COQ5: variants seen among roughly 807,000 people sequenced by gnomAD.
COQ5 encodes 2-methoxy-6-polyprenyl-1,4-benzoquinol methylase, mitochondrial.
In COQ5, 27 loss-of-function variants were observed where a neutral mutation model predicts 40.5. The ratio of observed to expected loss-of-function variants is 0.67; its 90% confidence interval spans 0.49 to 0.92. COQ5 has a LOEUF of 0.92. Among genes scored for constraint, COQ5 ranks in the 40% least tolerant of loss-of-function variants. COQ5 has a pLI of 0.00. For missense variants in COQ5, 409 were observed against 406.4 expected (o/e 1.01, Z -0.06); for synonymous variants, 141 against 150.0 (o/e 0.94, Z 0.44).
At chr12:120,514,784 A>AACAACAAC (rs1869307881) in intron 3 of COQ5, among the ~76,000 whole-genome samples, 2 of 115,696 alleles carry the variant, frequency 1.7e-5, no homozygotes, top group East Asian at 6.3e-4. Flanking sequence ...ACAACAACAA[A>AACAACAAC]AACTGGGCCA....
chr12:120,526,102 C>T (rs117499434), intron 1 of COQ5, among the ~76,000 whole-genome samples: 2 of 152,204 alleles, frequency 1.3e-5, no homozygotes, highest in Non-Finnish European at 2.9e-5. Context: ...ATTCTTTAGC[C>T]TACAAATCAC....
chr12:120,528,021 A>AAAAAAAAAAAAAAAAT (rs1870041690), intron 1 of COQ5, among the ~76,000 whole-genome samples: 1 of 120,320 alleles, frequency 8.3e-6, no homozygotes, highest in African/African-American at 3.0e-5. Context: ...AAAAAAAAAA[A>AAAAAAAAAAAAAAAAT]AGAAACCCCG....
intron 3 of COQ5, among the ~76,000 whole-genome samples, chr12:120,513,709 A>G (rs373380916): frequency 4.6e-5 from 7 of 151,686 alleles, no homozygotes; most frequent in East Asian, 3.9e-4. Flanking sequence ...TAGTAGAGAC[A>G]GGGTTTCACC....
chr12:120,504,010 T>C lies in COQ5; in HGVS notation c.842A>G (p.Tyr281Cys), dbSNP rs753415413. The C allele has an allele frequency of 1.2e-6, 2 of 1,613,774 alleles. No individual in the cohort carries two copies. The highest frequency in any genetic ancestry group is 1.7e-6 in the Non-Finnish European group (2 of 1,179,648). ...TCGGATACTCTCTACAAGGTACTGATAGGACTTCCAGTCTCCAGCGATGAC... is the reference window on the plus strand; with the variant it reads ...TCGGATACTCTCTACAAGGTACTGACAGGACTTCCAGTCTCCAGCGATGAC... Reference protein sequence around the residue: ...GEVIAGDWKSYQYLVESIRRF... With the variant: ...GEVIAGDWKSCQYLVESIRRF... Residue 281 changes from tyrosine (Y) to cysteine (C), a missense_variant, in exon 6 of 7, where the codon TAT (tyrosine) becomes TGT (cysteine). Coordinates refer to ENST00000288532, the MANE Select transcript of COQ5 (RefSeq NM_032314.4).
intron 2 of COQ5, among the ~76,000 whole-genome samples, chr12:120,520,049 C>T (rs1354142288): frequency 1.3e-5 from 2 of 151,780 alleles, no homozygotes; most frequent in African/African-American, 4.8e-5. Flanking sequence ...AGAGATTATT[C>T]TATTGTAATT....
At position 120,522,235 on chromosome 12, in the gene COQ5, G is replaced by GCAGCTGGGTCCC; in HGVS notation, c.319_330dup (p.Gly107_Leu110dup). 1.2e-6 allele frequency: 2 copies of GCAGCTGGGTCCC among 1,614,134 alleles called. No individual in the cohort carries two copies. The highest frequency in any genetic ancestry group is 1.7e-6 in the Non-Finnish European group (2 of 1,180,038). Reference sequence around the variant, plus strand: ...TTACCTGTGCCTCCAGCAACATCAAGCAGCTGGGTCCCAGGAAGCGGGTGC... The same window carrying GCAGCTGGGTCCC: ...TTACCTGTGCCTCCAGCAACATCAAGCAGCTGGGTCCCCAGCTGGGTCCCAGGAAGCGGGTGC... On this transcript the variant is annotated inframe_insertion, in exon 2 of 7. Coordinates refer to ENST00000288532, the MANE Select transcript of COQ5 (RefSeq NM_032314.4).
In COQ5 at chr12:120,504,814, C is replaced by G; in HGVS notation, c.770+81G>C. On this transcript the variant is annotated intron_variant, in intron 5 of 6. Coordinates refer to ENST00000288532, the MANE Select transcript of COQ5 (RefSeq NM_032314.4). ...TGAACTACAAAGTTCATGCTTATAG[C>G]TTACTGGCTATTTTCAATCCATTTC... The G allele has an allele frequency of 2.5e-6, 3 of 1,185,866 alleles. No individual in the cohort carries two copies. In the Admixed American group the frequency reaches 5.3e-5, roughly 21 times the overall value. 73.5% of individuals were successfully genotyped at this position (1,185,866 alleles called of 1,614,324 possible).
Position 120,503,765 on chromosome 12 carries a change from C to CTT in COQ5, c.*18_*19insAA. 6.3e-7 allele frequency: 1 copy of CTT among 1,583,342 alleles called. No individual in the cohort carries two copies. ...TTCAACAGGATATGACTGGTTCATG[C>CTT]TCCATGATAGGAAAGGAATTAAAGT... is the stretch of plus-strand genomic sequence containing the variant. On this transcript the variant is annotated 3_prime_UTR_variant, in exon 7 of 7. Coordinates refer to ENST00000288532, the MANE Select transcript of COQ5 (RefSeq NM_032314.4).
chr12:120,522,180 C>T (rs746084135), intron 2 of COQ5, 34 bp downstream of exon 2: 21 of 1,612,748 alleles, frequency 1.3e-5, no homozygotes, highest in Non-Finnish European at 1.6e-5. Flanking sequence ...AAAACATGCT[C>T]AATGGTAGTG....
At position 120,514,368 on chromosome 12, in the gene COQ5, G is replaced by A. The variant is rs560330422; in HGVS notation, c.574+2199C>T. On this transcript the variant is annotated intron_variant, in intron 3 of 6. Coordinates refer to ENST00000288532, the MANE Select transcript of COQ5 (RefSeq NM_032314.4). The stretch of plus-strand genomic sequence containing the variant: ...AAATGCTGATGTTGACCTGAGGGAC[G>A]TTCTTTGTTATATACCACTGCCCCT... 2.0e-5 allele frequency among the ~76,000 whole-genome samples: 3 copies of A among 152,146 alleles called. No individual in the cohort carries two copies. The East Asian group carries it at 5.8e-4, about 29-fold the overall frequency.
chr12:120,505,549 G>A (rs1252384889), intron 4 of COQ5, among the ~76,000 whole-genome samples: 1 of 151,556 alleles, frequency 6.6e-6, no homozygotes. Context: ...ACCACGCCCC[G>A]CTAATTTTTT....
chr12:120,508,712 T>G (rs1203186656), intron 4 of COQ5, among the ~76,000 whole-genome samples: 1 of 152,110 alleles, frequency 6.6e-6, no homozygotes, highest in East Asian at 1.9e-4. Flanking sequence ...TTTTGTGCCT[T>G]TTGAACTTTG....
At chr12:120,523,761 G>A (rs1187416172) in intron 1 of COQ5, 1 of 236,020 alleles carries the variant, frequency 4.2e-6, no homozygotes, top group Non-Finnish European at 8.7e-6. Flanking sequence ...TGTAATCCTA[G>A]CACTTTGGGA....
At chr12:120,510,908 A>G (rs965660318) in intron 3 of COQ5, among the ~76,000 whole-genome samples, 6 of 152,196 alleles carry the variant, frequency 3.9e-5, no homozygotes, top group Admixed American at 6.6e-5. Flanking sequence ...AGAAGACTGT[A>G]TAGAGGAAGG....
At chr12:120,509,738 A>G in intron 4 of COQ5, 1 of 400,984 alleles carries the variant, frequency 2.5e-6, no homozygotes, top group Non-Finnish European at 4.7e-6. Flanking sequence ...GCCCTTAAAC[A>G]TTATCTTTTT....
chr12:120,507,422 C>A (rs1171684578), intron 4 of COQ5, among the ~76,000 whole-genome samples: 2 of 151,058 alleles, frequency 1.3e-5, no homozygotes, highest in Non-Finnish European at 3.0e-5. Context: ...GTATCTGGGA[C>A]TATAGGCACG....
At chr12:120,510,189 A>G (rs1869064670) in intron 3 of COQ5, 66 bp from the exon 4 acceptor site, 1 of 1,269,824 alleles carries the variant, frequency 7.9e-7, no homozygotes, top group Admixed American at 1.7e-5. Flanking sequence ...CAGTGAATTC[A>G]TTTCATGTAG....
In COQ5 at chr12:120,516,692, T is replaced by G; in HGVS notation, c.449A>C (p.Glu150Ala). The part of the protein sequence containing the change: ...LRAQQNLSWE[E>A]IAKEYQNEED... ...TTCATTCTGGTACTCTTTGGCAATT[T>G]CTTCCCAGGATAAATTTTGTTGGGC... Residue 150 changes from glutamate (E) to alanine (A), a missense_variant, in exon 3 of 7, where the codon GAA becomes GCA. Glu to Ala is a moderately radical substitution (Grantham distance 107). Coordinates refer to ENST00000288532, the MANE Select transcript of COQ5 (RefSeq NM_032314.4). 1 of 1,614,176 alleles carries G rather than the reference T, an allele frequency of 6.2e-7. No homozygotes were observed. The highest frequency in any genetic ancestry group is 1.1e-5 in the South Asian group (1 of 91,080).
Position 120,525,937 on chromosome 12 carries a change from T to TAAAG in COQ5, c.202+3002_202+3003insCTTT, listed in dbSNP as rs55846808. On this transcript the variant is annotated intron_variant, in intron 1 of 6. Transcript: ENST00000288532. Reference sequence around the variant, plus strand: ...GAGACTCCATCTCCAAAAAAATAAATATAAATAAATAAATAAATAAGCAAA... The same window carrying TAAAG: ...GAGACTCCATCTCCAAAAAAATAAATAAAGATAAATAAATAAATAAATAAGCAAA... Among the ~76,000 whole-genome samples, 8 of 151,980 alleles carry TAAAG rather than the reference T, an allele frequency of 5.3e-5. No individual in the cohort carries two copies. In the South Asian group the frequency reaches 1.2e-3, roughly 24 times the overall value.
Sources: allele counts gnomAD v4.1 joint callset (sites outside exome capture counted in the v4.1 genomes callset), GRCh38; gene constraint gnomAD v4.1.1; transcripts MANE v1.5; gene names NCBI Gene and HGNC (gene_info 2026-07-23, HGNC 2026-07-21).